SLC8A1: variants seen among roughly 807,000 people sequenced by gnomAD.
SLC8A1 encodes solute carrier family 8 member A1, also known as sodium/calcium exchanger 1.
Under a neutral mutation model 68.3 loss-of-function variants are expected in SLC8A1, and 18 were observed. That is an observed-to-expected ratio of 0.26 (90% CI 0.18 to 0.39). The LOEUF (loss-of-function observed/expected upper bound fraction) is 0.39, where lower values mean the gene tolerates loss of function less well. Among genes scored for constraint, SLC8A1 ranks in the 10% least tolerant of loss-of-function variants. SLC8A1 has a pLI of 1.00. For missense variants in SLC8A1, 985 were observed against 1,156.7 expected, an observed-to-expected ratio of 0.85 and a Z score of 2.15; for synonymous variants, 475 against 415.5, an observed-to-expected ratio of 1.14 and a Z score of -1.74.
At chr2:40,268,406 C>T (rs1044111653) in intron 2 of SLC8A1, among the ~76,000 whole-genome samples, 1 of 152,102 alleles carries the variant, frequency 6.6e-6, no homozygotes, top group Non-Finnish European at 1.5e-5. Context: ...TTGCCTCTAA[C>T]ATTTTTCATG....
At chr2:40,254,541 TCTCTTGAA>T (rs1482624378) in intron 2 of SLC8A1, 3 of 151,878 alleles carry the variant, frequency 2.0e-5, no homozygotes, top group Non-Finnish European at 2.9e-5. Flanking sequence ...AAAGAATTAG[TCTCTTGAA>T]CTCTTGAAAA....
At chr2:40,291,639 C>T (rs1461624510) in intron 2 of SLC8A1, among the ~76,000 whole-genome samples, 4 of 152,116 alleles carry the variant, frequency 2.6e-5, no homozygotes, top group Admixed American at 2.6e-4. Context: ...AACTTGCCCA[C>T]CTGCCAGTCC....
intron 2 of SLC8A1, among the ~76,000 whole-genome samples, chr2:40,234,642 T>C (rs1405133443): frequency 3.9e-5 from 6 of 152,326 alleles, no homozygotes; most frequent in African/African-American, 1.4e-4. Context: ...ATATGTTGAA[T>C]AGGAGTGGTG....
intron 6 of SLC8A1, among the ~76,000 whole-genome samples, chr2:40,149,684 C>T (rs1403994931): frequency 6.6e-6 from 1 of 152,118 alleles, no homozygotes; most frequent in East Asian, 1.9e-4. Flanking sequence ...TTCAATTTCT[C>T]CATTTCTTGT....
intron 2 of SLC8A1, among the ~76,000 whole-genome samples, chr2:40,374,261 C>T (rs746084403): frequency 2.6e-5 from 4 of 152,036 alleles, no homozygotes; most frequent in Non-Finnish European, 2.9e-5. Context: ...TCTGTAATCA[C>T]AGCACTTTGG....
chr2:40,225,937 A>G (rs2058922185), intron 2 of SLC8A1, among the ~76,000 whole-genome samples: 1 of 152,154 alleles, frequency 6.6e-6, no homozygotes, highest in African/African-American at 2.4e-5. Flanking sequence ...TTTGCAGACA[A>G]TCCTGATGCT....
intron 2 of SLC8A1, among the ~76,000 whole-genome samples, chr2:40,274,448 T>C (rs1420698408): frequency 6.6e-6 from 1 of 152,122 alleles, no homozygotes; most frequent in Non-Finnish European, 1.5e-5. Flanking sequence ...GGAATGGGGC[T>C]GTCTCTGGAA....
chr2:40,236,905 C>G (rs551407901), intron 2 of SLC8A1, among the ~76,000 whole-genome samples: 1 of 152,028 alleles, frequency 6.6e-6, no homozygotes, highest in African/African-American at 2.4e-5. Flanking sequence ...AAATTCTTTT[C>G]TTTAAGAATG....
At chr2:40,292,169 G>A (rs1045751834) in intron 2 of SLC8A1, among the ~76,000 whole-genome samples, 1 of 151,896 alleles carries the variant, frequency 6.6e-6, no homozygotes, top group African/African-American at 2.4e-5. Flanking sequence ...CAATATACAG[G>A]GTTCTTCTCT....
chr2:40,359,348 A>G (rs1215330870), intron 2 of SLC8A1, among the ~76,000 whole-genome samples: 1 of 152,208 alleles, frequency 6.6e-6, no homozygotes, highest in Non-Finnish European at 1.5e-5. Flanking sequence ...CGACTCCTAG[A>G]AAATGTAAAG....
intron 6 of SLC8A1, among the ~76,000 whole-genome samples, chr2:40,143,955 A>G (rs7572256): frequency 0.3 from 45,889 of 151,980 alleles, 7,106 homozygotes; most frequent in African/African-American, 0.35. Context: ...TAAATTTCCC[A>G]AGCCTCAGTT....
At chr2:40,243,106 G>C (rs1003804797) in intron 2 of SLC8A1, among the ~76,000 whole-genome samples, 1 of 152,166 alleles carries the variant, frequency 6.6e-6, no homozygotes, top group African/African-American at 2.4e-5. Context: ...ATTGCCCTTA[G>C]TTTCTACATA....
At chr2:40,506,603 T>C (rs957269745) in intron 1 of SLC8A1, among the ~76,000 whole-genome samples, 1 of 151,980 alleles carries the variant, frequency 6.6e-6, no homozygotes, top group Non-Finnish European at 1.5e-5. Flanking sequence ...GTTGACATGG[T>C]TGTTGATAAT....
chr2:40,372,915 T>G lies in SLC8A1; in HGVS notation c.1808+55558A>C, dbSNP rs536843110. On this transcript the variant is annotated intron_variant, in intron 2 of 7. Coordinates refer to ENST00000406785, the Ensembl canonical transcript of SLC8A1. ...TACTAGTGAATGAATAGAAGAGAAA[T>G]CCTTGATGGTTTATCAAGAGAGGTA... Among the ~76,000 whole-genome samples the G allele has an allele frequency of 2.2e-4, 34 of 152,000 alleles. No homozygotes were observed. The South Asian group carries it at 6.9e-3, about 31-fold the overall frequency.
chr2:40,336,755 T>G (rs888541645), intron 2 of SLC8A1, among the ~76,000 whole-genome samples: 2 of 152,184 alleles, frequency 1.3e-5, no homozygotes, highest in African/African-American at 4.8e-5. Context: ...TTTTTATTCA[T>G]GTTTTCTTTT....
rs768367565 is a variant in SLC8A1, at chr2:40,115,409, C to T, written c.2658G>A (p.Val886=). The change falls in exon 8 of 8, where the codon GTG becomes GTA. Residue 886 remains valine, a synonymous_variant. Transcript: ENST00000406785. ...GCCTCCGCCGATACAGCAGCACCCC[C>T]ACATTGATGAAAGCAAAAATGGTGA... 1.3e-5 allele frequency: 21 copies of T among 1,614,064 alleles called. No homozygotes were observed. In the African/African-American group the frequency reaches 1.5e-4, roughly 11 times the overall value.
rs139494552 is a variant in SLC8A1 at position 40,351,485 on chromosome 2, G to A, written c.1808+76988C>T. On this transcript the variant is annotated intron_variant, in intron 2 of 7. Transcript: ENST00000406785. ...TTTTTCCACAGAGACTTCCTTGTCT[G>A]CCCCTCCTGTGATGCCGCCAGTATT... 1.2e-4 allele frequency among the ~76,000 whole-genome samples: 18 copies of A among 151,940 alleles called. No individual in the cohort carries two copies. The East Asian group carries it at 3.5e-3, about 30-fold the overall frequency.
At chr2:40,295,098 AATT>A (rs1275020335) in intron 2 of SLC8A1, among the ~76,000 whole-genome samples, 3 of 151,124 alleles carry the variant, frequency 2.0e-5, no homozygotes, top group African/African-American at 7.4e-5. Context: ...TTTAAGAAAC[AATT>A]ATTATTTTTT....
chr2:40,344,785 C>T lies in SLC8A1; in HGVS notation c.1808+83688G>A, dbSNP rs748703944. Among the ~76,000 whole-genome samples, 56 of 152,260 alleles carry T rather than the reference C, an allele frequency of 3.7e-4. 1 individual carries two copies. Among genetic ancestry groups the T allele is most frequent in the South Asian group, 2.1e-4 (1 of 4,820 alleles). ...CTCAGAATTGACATTAGGTCCTGTA[C>T]CTAGCAGCATCTGAATTCCCAGACT... On this transcript the variant is annotated intron_variant, in intron 2 of 7. Transcript: ENST00000406785.
Sources: gnomAD v4.1 joint callset for allele counts (sites outside exome capture counted in the v4.1 genomes callset) on GRCh38, gnomAD v4.1.1 for gene constraint, MANE v1.5 for transcripts, NCBI Gene and HGNC (gene_info 2026-07-23, HGNC 2026-07-21) for gene names.